The following BRD1 variants were observed in gnomAD, a reference collection of about 807,000 sequenced individuals.
The protein encoded by BRD1 is bromodomain-containing protein 1.
In BRD1, 24 loss-of-function variants were observed where a neutral mutation model predicts 107.7. The ratio of observed to expected loss-of-function variants is 0.22; its 90% CI spans 0.16 to 0.31. The LOEUF (loss-of-function observed/expected upper bound fraction) is 0.31. BRD1 is among the 10% of genes least tolerant of loss of function. The pLI is 1.00. For synonymous variants in BRD1, 744 were observed against 686.1 expected, an observed-to-expected ratio of 1.08 and a Z score of -1.32; for missense variants, 1,279 against 1,638.6, an observed-to-expected ratio of 0.78 and a Z score of 3.79.
chr22:49,821,195 C>T (rs911255202), intron 2 of BRD1, among the ~76,000 whole-genome samples: 2 of 152,156 alleles, frequency 1.3e-5, no homozygotes, highest in African/African-American at 4.8e-5. Flanking sequence ...GCGTGCGGCC[C>T]GGCCAGGCCC....
Position 49,824,815 on chromosome 22 carries a change from AAC to A in BRD1, c.-14-486_-14-485del. On this transcript the variant is annotated intron_variant, in intron 1 of 12. Transcript: ENST00000404760. The surrounding 1 kb of genome is among the most constrained non-coding windows in gnomAD (Gnocchi z 5.9). ...CTGGTCCTATCGGATGCTCCCCCTA[AAC>A]CACTCTTCCCCTCCCCACTACTCCC... is the stretch of plus-strand genomic sequence containing the variant. 9.9e-7 allele frequency: 1 copy of A among 1,007,326 alleles called. No individual in the cohort carries two copies. 62.4% of individuals were successfully genotyped at this position (1,007,326 alleles called of 1,614,324 possible). A position where few individuals can be genotyped will look rare whatever the true frequency, so the allele number is the denominator to read the frequency against.
At chr22:49,811,274 G>A (rs1360173612) in intron 2 of BRD1, among the ~76,000 whole-genome samples, 1 of 152,182 alleles carries the variant, frequency 6.6e-6, no homozygotes, top group Admixed American at 6.5e-5. Context: ...TGGGGTAATG[G>A]CTAAGAGGCA....
In BRD1 at chr22:49,824,590, C is replaced by T. The variant is rs527606703; in HGVS notation, c.-14-259G>A. The T allele has an allele frequency of 2.4e-5, 32 of 1,306,652 alleles. No individual in the cohort carries two copies. Among genetic ancestry groups the T allele is most frequent in the African/African-American group, 6.0e-5 (4 of 66,984 alleles). 80.9% of individuals were successfully genotyped at this position (1,306,652 alleles called of 1,614,324 possible). A position where few individuals can be genotyped will look rare whatever the true frequency, so the allele number is the denominator to read the frequency against. ...CTGAGCACCTGCGTCCCTACCACCACACACCAGTCCCCTCTCAGACCACAC... is the reference window on the plus strand; with the variant it reads ...CTGAGCACCTGCGTCCCTACCACCATACACCAGTCCCCTCTCAGACCACAC... On this transcript the variant is annotated intron_variant, in intron 1 of 12. Coordinates refer to ENST00000404760, the MANE Select transcript of BRD1 (RefSeq NM_001304808.3). This position sits in a 1 kb window ranked among gnomAD's most constrained non-coding sequence, Gnocchi z 5.9.
intron 2 of BRD1, chr22:49,807,339 TAA>T (rs2059765534): frequency 6.6e-6 from 1 of 152,148 alleles, no homozygotes; most frequent in South Asian, 2.1e-4. Flanking sequence ...GAAAAAGCTG[TAA>T]AAGTCACGCT....
At position 49,797,941 on chromosome 22, in the gene BRD1, C is replaced by A; in HGVS notation, c.1962G>T (p.Arg654Ser). Reference sequence around the variant, plus strand: ...GAACAACACCTCCCTGATCGCGCAGCCTCACCGCGGCTCTATAGAACACGG... The same window carrying A: ...GAACAACACCTCCCTGATCGCGCAGACTCACCGCGGCTCTATAGAACACGG... ...RDTVFYRAAV[R>S]LRDQGGVVLR... Residue 654 changes from arginine to serine, a missense_variant, in exon 6 of 13, where the codon AGG becomes AGT. Coordinates refer to ENST00000404760, the MANE Select transcript of BRD1 (RefSeq NM_001304808.3). 1.2e-6 allele frequency: 2 copies of A among 1,614,234 alleles called. No individual in the cohort carries two copies. Among genetic ancestry groups the A allele is most frequent in the Non-Finnish European group, 1.7e-6 (2 of 1,180,046 alleles).
intron 2 of BRD1, among the ~76,000 whole-genome samples, chr22:49,813,545 T>C (rs2059894399): frequency 6.6e-6 from 1 of 151,548 alleles, no homozygotes. Context: ...AAAAAAATTT[T>C]TGGCCAGGAG....
chr22:49,808,410 A>G (rs932661021), intron 2 of BRD1, among the ~76,000 whole-genome samples: 1 of 152,240 alleles, frequency 6.6e-6, no homozygotes, highest in Non-Finnish European at 1.5e-5. Flanking sequence ...TCAGTGCAAT[A>G]AGCCAGACAC....
In BRD1 at chr22:49,809,665, C is replaced by A. The variant is rs77688365; in HGVS notation, c.1368-5305G>T. Reference sequence around the variant, plus strand: ...GGAGCAGAAAGTGGGTACTGCTGACCGATCAGCTGAACTGAGGCCAGAGAA... The same window carrying A: ...GGAGCAGAAAGTGGGTACTGCTGACAGATCAGCTGAACTGAGGCCAGAGAA... On this transcript the variant is annotated intron_variant, in intron 2 of 12. Coordinates refer to ENST00000404760, the MANE Select transcript of BRD1 (RefSeq NM_001304808.3). Among the ~76,000 whole-genome samples the A allele has an allele frequency of 2.0e-5, 3 of 151,954 alleles. No homozygotes were observed. In the East Asian group the frequency reaches 5.8e-4, roughly 29 times the overall value.
intron 2 of BRD1, among the ~76,000 whole-genome samples, chr22:49,812,257 T>C (rs575524309): frequency 6.6e-6 from 1 of 152,032 alleles, no homozygotes; most frequent in Non-Finnish European, 1.5e-5. Flanking sequence ...ACAAAGACGA[T>C]CCAAAAGAAT....
intron 8 of BRD1, among the ~76,000 whole-genome samples, chr22:49,779,052 T>C (rs1273870010): frequency 1.3e-5 from 2 of 152,200 alleles, no homozygotes; most frequent in African/African-American, 4.8e-5. Flanking sequence ...AAGGAAATTA[T>C]GTAAATTTGT....
chr22:49,809,792 G>C (rs929166197), intron 2 of BRD1, among the ~76,000 whole-genome samples: 6 of 152,226 alleles, frequency 3.9e-5, no homozygotes, highest in African/African-American at 1.2e-4. Context: ...GGGACATCTT[G>C]AAAATATCAA....
rs775441478 is a variant in BRD1 at position 49,798,668 on chromosome 22, C to T, written c.1675G>A (p.Ala559Thr). ...AGCGGGGTCAGCCGCAGCTCCATGG[C>T]GACCTGCTCCACCTTCACCTGGGGG... ...KREQVKVEQVAMELRLTPLTV... is the reference protein window; with the variant it reads ...KREQVKVEQVTMELRLTPLTV... Residue 559 changes from alanine (A) to threonine (T), a missense_variant, in exon 5 of 13, where the codon GCC becomes ACC. Ala to Thr is a moderately conservative substitution (Grantham distance 58). Around this residue, in one of 7 missense-constraint regions of BRD1, gnomAD observed 406 missense variants for 519.4 expected, o/e 0.78. Coordinates refer to ENST00000404760, the MANE Select transcript of BRD1 (RefSeq NM_001304808.3). 30 of 1,608,436 alleles carry T rather than the reference C, an allele frequency of 1.9e-5. No homozygotes were observed. The highest frequency in any genetic ancestry group is 1.0e-4 in the Admixed American group (6 of 59,576).
At position 49,776,224 on chromosome 22, in the gene BRD1, A is replaced by C. The variant is rs1390980775; in HGVS notation, c.3122-65T>G. 4 of 1,432,880 alleles carry C rather than the reference A, an allele frequency of 2.8e-6. No individual in the cohort carries two copies. The African/African-American group carries it at 4.2e-5, about 15-fold the overall frequency. The allele number at this position is 1,432,880 out of a possible 1,614,324, so 88.8% of individuals were successfully genotyped here. On this transcript the variant is annotated intron_variant, in intron 10 of 12. Transcript: ENST00000404760. ...GACACGGGGCACGCCCCGCCCCCCC[A>C]CAAAAGGTGCAGCAACAGGGTGGGT...
At chr22:49,826,691 ACGGCGCTGGGC>A (rs2060151702) in intron 1 of BRD1, among the ~76,000 whole-genome samples, 1 of 152,142 alleles carries the variant, frequency 6.6e-6, no homozygotes, top group Admixed American at 6.5e-5. Flanking sequence ...AGCACTCGGG[ACGGCGCTGGGC>A]CGGCCAAACA....
intron 3 of BRD1, among the ~76,000 whole-genome samples, chr22:49,801,127 A>G (rs928493222): frequency 7.9e-5 from 12 of 152,208 alleles, no homozygotes; most frequent in Admixed American, 7.8e-4. Context: ...CAGGACAGAC[A>G]CTGGGAAAGC....
chr22:49,816,872 G>GCCAAGGCCCGCCAC (rs2059963203), intron 2 of BRD1, among the ~76,000 whole-genome samples: 1 of 152,240 alleles, frequency 6.6e-6, no homozygotes, highest in Non-Finnish European at 1.5e-5. Flanking sequence ...GACTGCGGGG[G>GCCAAGGCCCGCCAC]CCAAGGCCCG....
At chr22:49,815,225 T>C (rs1569132592) in intron 2 of BRD1, among the ~76,000 whole-genome samples, 1 of 152,186 alleles carries the variant, frequency 6.6e-6, no homozygotes, top group East Asian at 1.9e-4. Context: ...CAATTTTTAT[T>C]TGCTTCAGCT....
chr22:49,774,324 C>T lies in BRD1; in HGVS notation c.3479G>A (p.Arg1160Gln). ...KMMEGRNSSI[R>Q]KAVRIAFDRA... Reference sequence around the variant, plus strand: ...GTCAAAAGCGATCCGCACGGCCTTCCGGATGCTGGAATTCCTCCCTTCCAT... The same window carrying T: ...GTCAAAAGCGATCCGCACGGCCTTCTGGATGCTGGAATTCCTCCCTTCCAT... The change falls in exon 13 of 13, where the codon CGG becomes CAG. Residue 1160 changes from arginine (R) to glutamine (Q), a missense_variant. Physicochemically the swap from Arg to Gln is conservative, Grantham distance 43. This residue lies in a region of BRD1 where 136 missense variants were observed against 196.8 expected (regional missense o/e 0.69). Transcript: ENST00000404760. 1 of 1,614,232 alleles carries T rather than the reference C, an allele frequency of 6.2e-7. No individual in the cohort carries two copies. The highest frequency in any genetic ancestry group is 8.5e-7 in the Non-Finnish European group (1 of 1,180,036).
intron 2 of BRD1, among the ~76,000 whole-genome samples, chr22:49,819,780 GTTA>G (rs1022763980): frequency 6.6e-6 from 1 of 151,892 alleles, no homozygotes. Context: ...ATTTACCGCT[GTTA>G]TTATTTAATC....
Sources: gnomAD v4.1 joint callset for allele counts (sites outside exome capture counted in the v4.1 genomes callset) on GRCh38, gnomAD v4.1.1 for gene constraint, gnomAD v4.1.1 regional missense constraint, Gnocchi (gnomAD v3.1) non-coding constraint, MANE v1.5 for transcripts, NCBI Gene and HGNC (gene_info 2026-07-23, HGNC 2026-07-21) for gene names.